The following RANBP10 variants were observed in gnomAD, a reference collection of about 807,000 sequenced individuals.
The protein encoded by RANBP10 is ran-binding protein 10.
In RANBP10, 24 loss-of-function variants were observed where a neutral mutation model predicts 72.8. The observed-to-expected ratio is 0.33, with a 90% CI of 0.24 to 0.46. The LOEUF (loss-of-function observed/expected upper bound fraction) is 0.46. RANBP10 is among the 20% of genes least tolerant of loss of function. The pLI, the probability that RANBP10 is intolerant of heterozygous loss-of-function variation, is 1.00. For missense variants in RANBP10, 679 were observed against 817.5 expected (o/e 0.83, Z 2.07); for synonymous variants, 310 against 322.3 (o/e 0.96, Z 0.41).
chr16:67,799,299 T>TC (rs1331805442), intron 2 of RANBP10, among the ~76,000 whole-genome samples: 3 of 148,618 alleles, frequency 2.0e-5, no homozygotes, highest in Non-Finnish European at 4.5e-5. Flanking sequence ...TTTTTTTTTT[T>TC]TTTTTTGAGA....
chr16:67,737,617 A>T (rs1354338221), intron 5 of RANBP10, among the ~76,000 whole-genome samples: 1 of 151,938 alleles, frequency 6.6e-6, no homozygotes, highest in African/African-American at 2.4e-5. Flanking sequence ...TTCCTCAGGG[A>T]TCTCTGATGG....
At chr16:67,772,348 G>C (rs764168221) in intron 2 of RANBP10, among the ~76,000 whole-genome samples, 3 of 152,188 alleles carry the variant, frequency 2.0e-5, no homozygotes, top group Non-Finnish European at 4.4e-5. Flanking sequence ...AATTTCAGAG[G>C]AAAGTGTCAT....
At chr16:67,732,093 T>C (rs554923389) in intron 6 of RANBP10, among the ~76,000 whole-genome samples, 1 of 152,308 alleles carries the variant, frequency 6.6e-6, no homozygotes, top group East Asian at 1.9e-4. Context: ...GAGAAGCATT[T>C]CAGCCCTCCA....
In RANBP10 at chr16:67,729,256, GAGGAAGCAGAGCA is replaced by G; in HGVS notation, c.1352+11_1352+23del. 1 of 1,609,808 alleles carries G rather than the reference GAGGAAGCAGAGCA, an allele frequency of 6.2e-7. No individual in the cohort carries two copies. Among genetic ancestry groups the G allele is most frequent in the Non-Finnish European group, 8.5e-7 (1 of 1,178,464 alleles). On this transcript the variant is annotated intron_variant, in intron 10 of 13. Coordinates refer to ENST00000317506, the MANE Select transcript of RANBP10 (RefSeq NM_020850.3). The surrounding 1 kb of genome is among the most constrained non-coding windows in gnomAD (Gnocchi z 7.1). ...AGCTGGCATAAGGCAGAAGGCAGAG[GAGGAAGCAGAGCA>G]AGGCAGGCACCTGGTCTCCTGGTTA...
At chr16:67,784,044 CAAAAA>C (rs747315565) in intron 2 of RANBP10, among the ~76,000 whole-genome samples, 1 of 50,302 alleles carries the variant, frequency 2.0e-5, no homozygotes. Context: ...GACTCCGTCT[CAAAAA>C]AAAAAAAAAA....
At chr16:67,785,124 A>C (rs1319896932) in intron 2 of RANBP10, among the ~76,000 whole-genome samples, 8 of 152,042 alleles carry the variant, frequency 5.3e-5, no homozygotes, top group Admixed American at 5.2e-4. Flanking sequence ...AGGCAGGAGA[A>C]TCACTGGAAC....
chr16:67,727,651 G>A, intron 12 of RANBP10, 100 bp downstream of exon 12: 2 of 1,559,678 alleles, frequency 1.3e-6, no homozygotes, highest in Admixed American at 1.8e-5. Flanking sequence ...GACCTGGCTG[G>A]AGCCCACTCT....
chr16:67,786,934 A>G (rs2054927470), intron 2 of RANBP10, among the ~76,000 whole-genome samples: 1 of 151,270 alleles, frequency 6.6e-6, no homozygotes, highest in African/African-American at 2.4e-5. Context: ...CTCAAAAACA[A>G]CAACGAAAAA....
At chr16:67,758,596 G>T (rs934186832) in intron 3 of RANBP10, among the ~76,000 whole-genome samples, 1 of 152,164 alleles carries the variant, frequency 6.6e-6, no homozygotes, top group African/African-American at 2.4e-5. Flanking sequence ...ACTGGTCTCC[G>T]CTCTGCTTCA....
Position 67,729,883 on chromosome 16 carries a change from A to C in RANBP10, c.998+55T>G, listed in dbSNP as rs975610843. ...GGTTGTGGTCCAGGTTGACGTTCCC[A>C]CCACCAGCTGAGAGGGGCTGGACTC... On this transcript the variant is annotated intron_variant, in intron 8 of 13. Coordinates refer to ENST00000317506, the MANE Select transcript of RANBP10 (RefSeq NM_020850.3). This position sits in a 1 kb window ranked among gnomAD's most constrained non-coding sequence, Gnocchi z 7.1. The C allele has an allele frequency of 1.2e-5, 20 of 1,613,402 alleles. No individual in the cohort carries two copies. The highest frequency in any genetic ancestry group is 2.7e-5 in the African/African-American group (2 of 74,916).
intron 2 of RANBP10, among the ~76,000 whole-genome samples, chr16:67,783,939 G>C (rs1460281771): frequency 6.6e-6 from 1 of 151,562 alleles, no homozygotes; most frequent in Non-Finnish European, 1.5e-5. Context: ...AGCTACTCGG[G>C]AGACTGAGGC....
At chr16:67,804,950 G>A (rs1019077204) in intron 2 of RANBP10, among the ~76,000 whole-genome samples, 6 of 152,164 alleles carry the variant, frequency 3.9e-5, no homozygotes, top group African/African-American at 1.4e-4. Flanking sequence ...TGTGTATGCT[G>A]TTTACCCTGA....
chr16:67,806,270 C>T (rs978565383), intron 1 of RANBP10, 32 bp downstream of exon 1: 4 of 1,576,526 alleles, frequency 2.5e-6, no homozygotes, highest in Non-Finnish European at 3.5e-6. Context: ...GACGCTCTAG[C>T]CTTAATTCCC....
intron 3 of RANBP10, among the ~76,000 whole-genome samples, chr16:67,751,624 C>CA (rs915714649): frequency 2.4e-4 from 36 of 149,294 alleles, no homozygotes; most frequent in East Asian, 7.9e-4. Context: ...GATGTTGTCT[C>CA]AAAAAAAAAG....
At chr16:67,796,398 A>G (rs2055135555) in intron 2 of RANBP10, among the ~76,000 whole-genome samples, 1 of 152,052 alleles carries the variant, frequency 6.6e-6, no homozygotes, top group Admixed American at 6.6e-5. Flanking sequence ...CTCTTGGTTC[A>G]GCTCTGCCTT....
At position 67,729,987 on chromosome 16, in the gene RANBP10, A is replaced by G. The variant is rs1415428119; in HGVS notation, c.949T>C (p.Phe317Leu). Residue 317 changes from phenylalanine to leucine, a missense_variant, in exon 8 of 14, where the codon TTC (phenylalanine) becomes CTC (leucine). Transcript: ENST00000317506. This position sits in a 1 kb window ranked among gnomAD's most constrained non-coding sequence, Gnocchi z 7.1. ...TTGTGCTCCAGCAGCCCTGGGTAGA[A>G]GCGCTGGGTGGTCTCGATGGCCTCG... ...VGEAIETTQR[F>L]YPGLLEHNPN... 1 of 1,613,102 alleles carries G rather than the reference A, an allele frequency of 6.2e-7. No homozygotes were observed. The highest frequency in any genetic ancestry group is 1.7e-5 in the Admixed American group (1 of 59,950).
chr16:67,767,750 C>T (rs977675076), intron 3 of RANBP10, among the ~76,000 whole-genome samples: 1 of 152,122 alleles, frequency 6.6e-6, no homozygotes, highest in South Asian at 2.1e-4. Context: ...GCGCCCACCA[C>T]CGCGCCCGGC....
intron 3 of RANBP10, among the ~76,000 whole-genome samples, chr16:67,745,002 T>G (rs1200699349): frequency 6.6e-6 from 1 of 152,102 alleles, no homozygotes. Flanking sequence ...TTTTTTTTTT[T>G]TGTATTTTTA....
intron 2 of RANBP10, among the ~76,000 whole-genome samples, chr16:67,802,596 TC>T (rs1196149940): frequency 1.3e-5 from 2 of 151,868 alleles, no homozygotes; most frequent in Non-Finnish European, 2.9e-5. Flanking sequence ...CGAGATTGAG[TC>T]AATGCACTCC....
Sources: gnomAD v4.1 joint callset for allele counts (sites outside exome capture counted in the v4.1 genomes callset) on GRCh38, gnomAD v4.1.1 for gene constraint, Gnocchi (gnomAD v3.1) non-coding constraint, MANE v1.5 for transcripts, NCBI Gene and HGNC (gene_info 2026-07-23, HGNC 2026-07-21) for gene names.